CCL24: variants seen among roughly 807,000 people sequenced by gnomAD.
CCL24 encodes the protein C-C motif chemokine 24.
Under a neutral mutation model 8.6 loss-of-function variants are expected in CCL24, and 6 were observed. That is an observed-to-expected ratio of 0.70 (90% CI 0.38 to 1.38). The LOEUF (loss-of-function observed/expected upper bound fraction) is 1.38. CCL24 is among the 40% of genes most tolerant of loss of function. The pLI is 0.02. For synonymous variants in CCL24, 59 were observed against 52.7 expected (o/e 1.12, Z -0.52); for missense variants, 126 against 147.1 (o/e 0.86, Z 0.74).
intron 1 of CCL24, among the ~76,000 whole-genome samples, chr7:75,820,851 C>T (rs1804034647): frequency 6.6e-6 from 1 of 151,732 alleles, no homozygotes; most frequent in Admixed American, 6.6e-5. Flanking sequence ...ATCCATCCCT[C>T]CACCCATCTA....
chr7:75,814,687 G>A (rs951831801), upstream of CCL24, among the ~76,000 whole-genome samples: 5 of 151,928 alleles, frequency 3.3e-5, no homozygotes, highest in African/African-American at 7.3e-5. Context: ...AACAGCCATC[G>A]CCTGTACCCT....
At chr7:75,819,836 T>G (rs1803986859) in intron 1 of CCL24, among the ~76,000 whole-genome samples, 1 of 152,016 alleles carries the variant, frequency 6.6e-6, no homozygotes, top group Non-Finnish European at 1.5e-5. Context: ...GTGACATATT[T>G]TAGTCCCTGA....
intron 1 of CCL24, among the ~76,000 whole-genome samples, chr7:75,821,253 G>A (rs782052163): frequency 1.3e-5 from 2 of 152,130 alleles, no homozygotes; most frequent in Non-Finnish European, 2.9e-5. Flanking sequence ...AGCCCTGGAA[G>A]CCACAGAGAT....
intron 1 of CCL24, among the ~76,000 whole-genome samples, chr7:75,822,485 A>G (rs1804070578): frequency 6.6e-6 from 1 of 152,134 alleles, no homozygotes; most frequent in South Asian, 2.1e-4. Context: ...AAAGCCCTAC[A>G]TGGCTCCTCT....
intron 1 of CCL24, among the ~76,000 whole-genome samples, chr7:75,820,136 C>T (rs71539264): frequency 0.22 from 17,842 of 80,438 alleles, 3,311 homozygotes; most frequent in East Asian, 0.6. Context: ...TTCTTCTCCT[C>T]CTCCTCCTCC....
chr7:75,819,222 C>T (rs1328859140), intron 1 of CCL24, among the ~76,000 whole-genome samples: 3 of 118,982 alleles, frequency 2.5e-5, no homozygotes, highest in East Asian at 2.5e-4. Flanking sequence ...AAGTGGAGAT[C>T]GCACCATTGC....
chr7:75,812,929 G>A (rs56983836), intron 2 of CCL24, among the ~76,000 whole-genome samples: 49 of 116,672 alleles, frequency 4.2e-4, no homozygotes, highest in South Asian at 9.1e-4. Flanking sequence ...CTGTCTCAGG[G>A]GAAAAAAAAA....
chr7:75,812,083 G>A, intron 2 of CCL24, 119 bp from the exon 3 acceptor site: 2 of 765,132 alleles, frequency 2.6e-6, no homozygotes, highest in Non-Finnish European at 4.2e-6. Flanking sequence ...AAGTTGCTGA[G>A]ATGATGTCAT....
chr7:75,822,839 A>AAAAAG (rs1233931623), intron 1 of CCL24, among the ~76,000 whole-genome samples: 2 of 152,222 alleles, frequency 1.3e-5, no homozygotes, highest in African/African-American at 4.8e-5. Flanking sequence ...CAAAAAGAAA[A>AAAAAG]AAAAGAAAAG....
At chr7:75,821,772 C>G (rs1187423913) in intron 1 of CCL24, among the ~76,000 whole-genome samples, 1 of 151,804 alleles carries the variant, frequency 6.6e-6, no homozygotes, top group Admixed American at 6.6e-5. Context: ...ACTAAAAATA[C>G]AAAAAATTAG....
upstream of CCL24, among the ~76,000 whole-genome samples, chr7:75,815,803 T>C (rs1803877885): frequency 6.6e-6 from 1 of 152,130 alleles, no homozygotes; most frequent in Admixed American, 6.5e-5. Flanking sequence ...CCCTTTGTAA[T>C]TATTGGGTAA....
chr7:75,815,111 G>A (rs1554533948), upstream of CCL24, among the ~76,000 whole-genome samples: 3 of 152,202 alleles, frequency 2.0e-5, no homozygotes, highest in South Asian at 2.1e-4. Flanking sequence ...GGCTGAGGCG[G>A]GAGGATTGAC....
chr7:75,818,317 C>T (rs982386157), upstream of CCL24, among the ~76,000 whole-genome samples: 5 of 151,666 alleles, frequency 3.3e-5, no homozygotes, highest in South Asian at 6.2e-4. Flanking sequence ...CGTGGTGGCA[C>T]GCACCTGTAG....
Position 75,811,804 on chromosome 7 carries a change from T to C in CCL24, c.352A>G (p.Thr118Ala). ...PVQRYPGNQTTC is the reference protein window; with the variant it reads ...PVQRYPGNQTAC ...GGAGGGCTGGGCGGGGATTAGCAGG[T>C]GGTTTGGTTGCCAGGATATCTCTGG... The change falls in exon 3 of 3, where the codon ACC becomes GCC. Residue 118 changes from threonine (T) to alanine (A), a missense_variant. By Grantham distance (58) the Thr-to-Ala change is moderately conservative (BLOSUM62 0). Transcript: ENST00000222902. 1 of 1,612,714 alleles carries C rather than the reference T, an allele frequency of 6.2e-7. No individual in the cohort carries two copies. The highest frequency in any genetic ancestry group is 8.5e-7 in the Non-Finnish European group (1 of 1,179,482).
At chr7:75,821,128 T>C (rs782408372) in intron 1 of CCL24, among the ~76,000 whole-genome samples, 1 of 151,874 alleles carries the variant, frequency 6.6e-6, no homozygotes, top group Admixed American at 6.6e-5. Context: ...GAGGCCACAG[T>C]GGAGAGCAGA....
intron 1 of CCL24, 40 bp downstream of exon 1, chr7:75,813,603 C>T: frequency 6.4e-7 from 1 of 1,563,800 alleles, no homozygotes; most frequent in Non-Finnish European, 8.8e-7. Flanking sequence ...TGTGCCATCC[C>T]AGCCATGCCC....
intron 1 of CCL24, among the ~76,000 whole-genome samples, chr7:75,820,025 CTTCTTCTTCTTCT>C (rs1803994366): frequency 8.6e-5 from 9 of 104,900 alleles, no homozygotes; most frequent in South Asian, 3.3e-4. Context: ...ACTACTTCTT[CTTCTTCTTCTTCT>C]TCTTCTTCTT....
At chr7:75,822,690 G>A (rs985698845) in intron 1 of CCL24, among the ~76,000 whole-genome samples, 11 of 152,132 alleles carry the variant, frequency 7.2e-5, no homozygotes, top group African/African-American at 1.4e-4. Context: ...TTAGCCAGGC[G>A]TGGTGGCAGG....
rs782594363 is a variant in CCL24, at chr7:75,813,680, C to G, written c.36G>C (p.Leu12=). Residue 12 remains leucine (L), a synonymous_variant, in exon 1 of 3, where the codon CTG becomes CTC. Coordinates refer to ENST00000222902, the MANE Select transcript of CCL24 (RefSeq NM_002991.3). ...AGLMTIVTSL[L]FLGVCAHHII... is the part of the protein sequence containing the mutation. ...TGTGGTGGGCACAGACACCAAGGAA[C>G]AGAAGGCTGGTTACTATGGTCATCA... The G allele has an allele frequency of 1.2e-6, 2 of 1,614,028 alleles. No individual in the cohort carries two copies. The highest frequency in any genetic ancestry group is 1.3e-5 in the African/African-American group (1 of 74,946).
Sources: allele counts gnomAD v4.1 joint callset (sites outside exome capture counted in the v4.1 genomes callset), GRCh38; gene constraint gnomAD v4.1.1; transcripts MANE v1.5; gene names NCBI Gene and HGNC (gene_info 2026-07-23, HGNC 2026-07-21).